GPD1L: variants seen among roughly 807,000 people sequenced by gnomAD.
The protein encoded by GPD1L is glycerol-3-phosphate dehydrogenase 1 like, also known as glycerol-3-phosphate dehydrogenase 1-like protein.
Under a neutral mutation model 32.9 loss-of-function variants are expected in GPD1L, and 17 were observed. The observed-to-expected ratio is 0.52, with a 90% CI of 0.35 to 0.78. The LOEUF (loss-of-function observed/expected upper bound fraction) is 0.78, where lower values mean the gene tolerates loss of function less well. Ranked by LOEUF, GPD1L falls within the 30% of genes least tolerant of loss-of-function variation. GPD1L has a pLI of 0.01. For synonymous variants in GPD1L, 187 were observed against 165.9 expected, an observed-to-expected ratio of 1.13 and a Z score of -0.98; for missense variants, 361 against 447.8, an observed-to-expected ratio of 0.81 and a Z score of 1.75.
chr3:32,123,733 G>A (rs1700458082), intron 1 of GPD1L, among the ~76,000 whole-genome samples: 1 of 151,892 alleles, frequency 6.6e-6, no homozygotes, highest in Non-Finnish European at 1.5e-5. Flanking sequence ...TAGATATGCA[G>A]GAGTTGAAAA....
intron 2 of GPD1L, among the ~76,000 whole-genome samples, chr3:32,129,213 T>G (rs1700554197): frequency 1.3e-5 from 2 of 152,200 alleles, no homozygotes; most frequent in Admixed American, 1.3e-4. Context: ...GCTCATCTCC[T>G]TTGTTAACGA....
intron 1 of GPD1L, among the ~76,000 whole-genome samples, chr3:32,121,322 G>A (rs1289857015): frequency 4.6e-5 from 7 of 151,560 alleles, no homozygotes; most frequent in Non-Finnish European, 8.8e-5. Flanking sequence ...TGTTGGCCAT[G>A]CCACCTGCTA....
At chr3:32,114,845 A>G (rs565677763) in intron 1 of GPD1L, among the ~76,000 whole-genome samples, 3 of 152,114 alleles carry the variant, frequency 2.0e-5, no homozygotes, top group Non-Finnish European at 4.4e-5. Flanking sequence ...CTTCCCAGTG[A>G]GTGTTACAGC....
At chr3:32,133,550 A>T (rs1700616480) in intron 2 of GPD1L, among the ~76,000 whole-genome samples, 1 of 152,136 alleles carries the variant, frequency 6.6e-6, no homozygotes, top group Admixed American at 6.5e-5. Context: ...ATTGATAGTG[A>T]TTATTTCTGG....
intron 1 of GPD1L, among the ~76,000 whole-genome samples, chr3:32,115,151 G>C (rs1350848477): frequency 1.3e-5 from 2 of 152,146 alleles, no homozygotes; most frequent in Non-Finnish European, 2.9e-5. Flanking sequence ...GTGCTGATTG[G>C]TCCATTTTAC....
At chr3:32,128,381 G>C (rs1700543243) in intron 2 of GPD1L, 128 bp downstream of exon 2, 11 of 784,626 alleles carry the variant, frequency 1.4e-5, no homozygotes, top group Non-Finnish European at 2.5e-5. Flanking sequence ...CCAATTGGTT[G>C]GTTGGTTTTG....
chr3:32,164,833 T>C (rs1381565403), intron 7 of GPD1L, among the ~76,000 whole-genome samples: 4 of 152,246 alleles, frequency 2.6e-5, no homozygotes, highest in African/African-American at 4.8e-5. Context: ...TATAAGGTTC[T>C]GTCCAGCTAA....
rs76507198 is a variant in GPD1L, at chr3:32,131,050, G to T, written c.225+2797G>T. Among the ~76,000 whole-genome samples the T allele has an allele frequency of 3.0e-3, 449 of 151,468 alleles. 3 individuals are homozygous for T. The highest frequency in any genetic ancestry group is 0.01 in the African/African-American group (428 of 41,320). ...AGAATGCTCCGTTTAAAAAAAAAAA[G>T]AATGCTCATTATTTTCTGTAATTGC... is the stretch of plus-strand genomic sequence containing the variant. On this transcript the variant is annotated intron_variant, in intron 2 of 7. Transcript: ENST00000282541.
intron 5 of GPD1L, chr3:32,151,394 TG>T: frequency 1.5e-6 from 1 of 675,474 alleles, no homozygotes; most frequent in Non-Finnish European, 2.7e-6. Flanking sequence ...GTGACACTTG[TG>T]GGGCATTCCT....
intron 1 of GPD1L, among the ~76,000 whole-genome samples, chr3:32,114,216 A>G (rs1357912080): frequency 6.6e-6 from 1 of 152,240 alleles, no homozygotes; most frequent in Admixed American, 6.5e-5. Context: ...GGCTTCAGCC[A>G]GCGTGACAGG....
At chr3:32,155,034 A>G (rs1413055101) in intron 5 of GPD1L, among the ~76,000 whole-genome samples, 3 of 152,072 alleles carry the variant, frequency 2.0e-5, no homozygotes, top group Non-Finnish European at 4.4e-5. Context: ...TGCCCAACCT[A>G]AGCTACCGTT....
intron 7 of GPD1L, among the ~76,000 whole-genome samples, chr3:32,160,026 A>T (rs1350768539): frequency 6.6e-6 from 1 of 152,230 alleles, no homozygotes; most frequent in Middle Eastern, 3.2e-3. Flanking sequence ...TTTATTAAAA[A>T]GTATGGTTAT....
chr3:32,150,677 G>A (rs769110289), intron 5 of GPD1L, among the ~76,000 whole-genome samples: 23 of 152,076 alleles, frequency 1.5e-4, no homozygotes, highest in Admixed American at 3.3e-4. Flanking sequence ...AGTAGAGATA[G>A]GGTTTTGCCA....
chr3:32,162,787 G>T (rs1701089370), intron 7 of GPD1L, among the ~76,000 whole-genome samples: 1 of 152,024 alleles, frequency 6.6e-6, no homozygotes, highest in Admixed American at 6.6e-5. Flanking sequence ...AAGCTCCTGG[G>T]TCTCACTCTG....
chr3:32,152,872 C>T (rs1700939688), intron 5 of GPD1L, among the ~76,000 whole-genome samples: 1 of 150,786 alleles, frequency 6.6e-6, no homozygotes. Context: ...AGACAAAGAG[C>T]ACGTGGCAGC....
chr3:32,109,854 A>G (rs112206665), intron 1 of GPD1L, among the ~76,000 whole-genome samples: 5 of 152,358 alleles, frequency 3.3e-5, no homozygotes, highest in African/African-American at 1.2e-4. Context: ...AGACCGAAGG[A>G]ATTGCCAAGT....
chr3:32,135,337 C>T (rs1700648176), intron 2 of GPD1L, among the ~76,000 whole-genome samples: 1 of 152,090 alleles, frequency 6.6e-6, no homozygotes, highest in Non-Finnish European at 1.5e-5. Flanking sequence ...TTGTGAAGGC[C>T]GTGGGAAGAT....
intron 4 of GPD1L, among the ~76,000 whole-genome samples, chr3:32,145,538 A>G (rs1279741881): frequency 6.6e-6 from 1 of 152,034 alleles, no homozygotes; most frequent in East Asian, 1.9e-4. Context: ...TTCACCAGCA[A>G]CCCAAGTTTC....
rs545846823 is a variant in GPD1L, at chr3:32,110,195, GGCGTAA to G, written c.47+3440_47+3445del. On this transcript the variant is annotated intron_variant, in intron 1 of 7. Transcript: ENST00000282541. Reference sequence around the variant, plus strand: ...GGCCTCCCAAAGTGCTGGGATTACAGGCGTAAGCCACTGCGCCCGGCCTAAATCGTG... The same window carrying G: ...GGCCTCCCAAAGTGCTGGGATTACAGGCCACTGCGCCCGGCCTAAATCGTG... Among the ~76,000 whole-genome samples, 14 of 152,390 alleles carry G rather than the reference GGCGTAA, an allele frequency of 9.2e-5. No individual in the cohort carries two copies. In the South Asian group the frequency reaches 2.9e-3, roughly 32 times the overall value.
Sources: gnomAD v4.1 joint callset for allele counts (sites outside exome capture counted in the v4.1 genomes callset) on GRCh38, gnomAD v4.1.1 for gene constraint, MANE v1.5 for transcripts, NCBI Gene and HGNC (gene_info 2026-07-23, HGNC 2026-07-21) for gene names.